CAMK1D: variants seen among roughly 807,000 people sequenced by gnomAD.
CAMK1D encodes calcium/calmodulin-dependent protein kinase type 1D.
Under a neutral mutation model 47.7 loss-of-function variants are expected in CAMK1D, and 9 were observed. The ratio of observed to expected loss-of-function variants is 0.19; its 90% CI spans 0.11 to 0.33. CAMK1D has a LOEUF of 0.33. CAMK1D is among the 10% of genes least tolerant of loss of function. The pLI, the probability that CAMK1D is intolerant of heterozygous loss-of-function variation, is 1.00. For missense variants in CAMK1D, 291 were observed against 488.7 expected (o/e 0.60, Z 3.81); for synonymous variants, 184 against 184.9 (o/e 0.99, Z 0.04).
At chr10:12,628,892 C>T (rs1256335101) in intron 2 of CAMK1D, among the ~76,000 whole-genome samples, 1 of 152,184 alleles carries the variant, frequency 6.6e-6, no homozygotes, top group Non-Finnish European at 1.5e-5. Flanking sequence ...AATATGTAGT[C>T]TTTCAAGATT....
chr10:12,753,645 C>T (rs901325517), intron 3 of CAMK1D, among the ~76,000 whole-genome samples: 10 of 152,216 alleles, frequency 6.6e-5, no homozygotes, highest in Admixed American at 5.2e-4. Context: ...GTGGCTGCCT[C>T]GTTCCTGTCC....
chr10:12,615,993 A>G (rs2132424437), intron 2 of CAMK1D, among the ~76,000 whole-genome samples: 1 of 148,988 alleles, frequency 6.7e-6, no homozygotes, highest in East Asian at 2.0e-4. Flanking sequence ...GTGTCTGTAT[A>G]GGTGTGTTTG....
At chr10:12,433,704 G>T (rs1832551575) in intron 1 of CAMK1D, among the ~76,000 whole-genome samples, 1 of 152,236 alleles carries the variant, frequency 6.6e-6, no homozygotes, top group South Asian at 2.1e-4. Flanking sequence ...CAAACTCGTG[G>T]ATTCAGAGCA....
chr10:12,429,835 G>T (rs1191031450), intron 1 of CAMK1D, among the ~76,000 whole-genome samples: 1 of 152,132 alleles, frequency 6.6e-6, no homozygotes, highest in Admixed American at 6.5e-5. Context: ...CTCCACGCAA[G>T]GTTTCACCTC....
At chr10:12,715,381 G>C (rs1044693253) in intron 3 of CAMK1D, among the ~76,000 whole-genome samples, 1 of 152,072 alleles carries the variant, frequency 6.6e-6, no homozygotes, top group Admixed American at 6.5e-5. Context: ...CTTATCACTA[G>C]CTGCTTCAGG....
chr10:12,508,067 C>T (rs1834931372), intron 1 of CAMK1D, among the ~76,000 whole-genome samples: 2 of 152,172 alleles, frequency 1.3e-5, no homozygotes, highest in South Asian at 4.2e-4. Context: ...GTGTTTTTAA[C>T]GAGCATCCCG....
intron 3 of CAMK1D, among the ~76,000 whole-genome samples, chr10:12,700,683 T>G (rs1051266997): frequency 1.2e-4 from 18 of 152,280 alleles, no homozygotes; most frequent in Middle Eastern, 3.4e-3. Context: ...GAAAGGACCC[T>G]TGTTGACAGT....
At chr10:12,472,338 C>A (rs370238611) in intron 1 of CAMK1D, among the ~76,000 whole-genome samples, 55 of 152,196 alleles carry the variant, frequency 3.6e-4, no homozygotes, top group Middle Eastern at 6.8e-3. Flanking sequence ...GCTTGCTCTT[C>A]CTCATGTGCC....
intron 3 of CAMK1D, among the ~76,000 whole-genome samples, chr10:12,672,210 G>A (rs935181223): frequency 6.6e-6 from 1 of 151,776 alleles, no homozygotes; most frequent in African/African-American, 2.4e-5. Context: ...CCACCTCGCC[G>A]GGCCACTGTC....
At chr10:12,701,428 A>C (rs1833513363) in intron 3 of CAMK1D, among the ~76,000 whole-genome samples, 1 of 152,304 alleles carries the variant, frequency 6.6e-6, no homozygotes. Flanking sequence ...TCCCTGTTTT[A>C]AGTACACCCC....
At chr10:12,592,305 G>T (rs1381502767) in intron 2 of CAMK1D, among the ~76,000 whole-genome samples, 2 of 152,150 alleles carry the variant, frequency 1.3e-5, no homozygotes, top group Admixed American at 1.3e-4. Context: ...TGAAGATGAG[G>T]ATTCTTCTTG....
intron 2 of CAMK1D, among the ~76,000 whole-genome samples, chr10:12,598,777 G>T (rs1379206469): frequency 1.3e-5 from 2 of 152,172 alleles, no homozygotes; most frequent in Non-Finnish European, 1.5e-5. Context: ...AAAATTAAAC[G>T]AATACGGGTC....
chr10:12,555,712 A>G (rs918027411), intron 2 of CAMK1D, among the ~76,000 whole-genome samples: 10 of 152,214 alleles, frequency 6.6e-5, no homozygotes, highest in African/African-American at 2.4e-4. Context: ...GTGGGCCCAG[A>G]GCCTTCCAAA....
intron 1 of CAMK1D, among the ~76,000 whole-genome samples, chr10:12,539,502 C>T (rs765283648): frequency 6.6e-6 from 1 of 152,142 alleles, no homozygotes; most frequent in Non-Finnish European, 1.5e-5. Flanking sequence ...TCAGGTTTTG[C>T]CAACCATGTG....
chr10:12,409,117 A>G (rs138701439), intron 1 of CAMK1D, among the ~76,000 whole-genome samples: 1,625 of 152,134 alleles, frequency 0.011, 22 homozygotes, highest in African/African-American at 0.038. Flanking sequence ...TCAACCTCCC[A>G]AAGTGCTGGT....
chr10:12,383,232 T>C (rs1838392284), intron 1 of CAMK1D, among the ~76,000 whole-genome samples: 1 of 152,216 alleles, frequency 6.6e-6, no homozygotes, highest in African/African-American at 2.4e-5. Context: ...GATTTATAGA[T>C]TTAAATAAAA....
intron 8 of CAMK1D, among the ~76,000 whole-genome samples, chr10:12,822,148 G>T (rs997725608): frequency 1.3e-5 from 2 of 152,160 alleles, no homozygotes; most frequent in Non-Finnish European, 2.9e-5. Flanking sequence ...TTGGCGAAGC[G>T]TGCTGAAGTT....
chr10:12,713,787 AC>A (rs372530624), intron 3 of CAMK1D, among the ~76,000 whole-genome samples: 1 of 152,336 alleles, frequency 6.6e-6, no homozygotes, highest in Non-Finnish European at 1.5e-5. Flanking sequence ...TGGTTTGTCA[AC>A]ACACCAAGTG....
At chr10:12,725,934 T>C (rs901427059) in intron 3 of CAMK1D, among the ~76,000 whole-genome samples, 3 of 151,908 alleles carry the variant, frequency 2.0e-5, no homozygotes, top group Admixed American at 2.0e-4. Flanking sequence ...TTTTTGTATT[T>C]TTAGTATAGA....
Sources: allele counts gnomAD v4.1 joint callset (sites outside exome capture counted in the v4.1 genomes callset), GRCh38; gene constraint gnomAD v4.1.1; transcripts MANE v1.5; gene names NCBI Gene and HGNC (gene_info 2026-07-23, HGNC 2026-07-21).